Variants in UGT1A4 observed in about 807,000 individuals in gnomAD.
UGT1A4 encodes the protein UDP-glucuronosyltransferase 1A4.
In UGT1A4, 32 loss-of-function variants were observed where a neutral mutation model predicts 41.1. The observed-to-expected ratio is 0.78, with a 90% CI of 0.59 to 1.05. The LOEUF (loss-of-function observed/expected upper bound fraction) is 1.05. Among genes scored for constraint, UGT1A4 ranks in the 50% least tolerant of loss-of-function variants. UGT1A4 has a pLI of 0.00. For missense variants in UGT1A4, 748 were observed against 677.4 expected, an observed-to-expected ratio of 1.10 and a Z score of -1.16; for synonymous variants, 283 against 265.1, an observed-to-expected ratio of 1.07 and a Z score of -0.66.
rs1394358402 is a variant in UGT1A4 at position 233,747,887 on chromosome 2, T to C, written c.868-19147T>C. The C allele has an allele frequency of 1.2e-5, 19 of 1,613,492 alleles. No homozygotes were observed. The South Asian group carries it at 2.0e-4, about 17-fold the overall frequency. ...CTCTGGCCCTGTCCTACCTTTGCCA[T>C]GCTCTTTCTGCTCCTTATGCAAGCC... On this transcript the variant is annotated intron_variant, in intron 1 of 4. Transcript: ENST00000373409.
chr2:233,730,126 G>T, intron 1 of UGT1A4: 1 of 1,542,516 alleles, frequency 6.5e-7, no homozygotes, highest in Non-Finnish European at 8.7e-7. Flanking sequence ...TGTCATAATA[G>T]CCTTCAGTGA....
chr2:233,762,928 A>G (rs1698198044), intron 1 of UGT1A4, among the ~76,000 whole-genome samples: 1 of 152,220 alleles, frequency 6.6e-6, no homozygotes, highest in African/African-American at 2.4e-5. Flanking sequence ...TAGAATCTCT[A>G]AAAACAGTTG....
chr2:233,764,498 G>T (rs1372261378), intron 1 of UGT1A4, among the ~76,000 whole-genome samples: 1 of 152,176 alleles, frequency 6.6e-6, no homozygotes, highest in East Asian at 1.9e-4. Context: ...TGGACCTGTG[G>T]GTTCAATTTT....
At chr2:233,724,493 G>A (rs1411892457) in intron 1 of UGT1A4, among the ~76,000 whole-genome samples, 16 of 76,170 alleles carry the variant, frequency 2.1e-4, no homozygotes, top group South Asian at 6.4e-4. Flanking sequence ...CGGGGCGGCC[G>A]GGCAGAGACG....
chr2:233,765,218 C>T (rs1413075025), intron 1 of UGT1A4, among the ~76,000 whole-genome samples: 1 of 152,118 alleles, frequency 6.6e-6, no homozygotes, highest in African/African-American at 2.4e-5. Flanking sequence ...GTATTCTTTG[C>T]AAACATAAAA....
Position 233,768,283 on chromosome 2 carries a change from G to T in UGT1A4, c.1151G>T (p.Cys384Phe). 6.2e-7 allele frequency: 1 copy of T among 1,614,180 alleles called. No homozygotes were observed. The change falls in exon 4 of 5, where the codon TGC becomes TTC. Residue 384 changes from cysteine (C) to phenylalanine (F), a missense_variant. Transcript: ENST00000373409. ...TCCCATGGTGTTTATGAAAGCATAT[G>T]CAATGGCGTTCCCATGGTGATGATG... Reference protein sequence around the residue: ...AGSHGVYESICNGVPMVMMPL... With the variant: ...AGSHGVYESIFNGVPMVMMPL...
chr2:233,729,653 T>A, intron 1 of UGT1A4: 1 of 1,613,906 alleles, frequency 6.2e-7, no homozygotes, highest in Non-Finnish European at 8.5e-7. Context: ...TTGAGGAACA[T>A]TCCATGTGAT....
In UGT1A4 at chr2:233,722,858, T is replaced by G. The variant is rs1254106570; in HGVS notation, c.867+3171T>G. On this transcript the variant is annotated intron_variant, in intron 1 of 4. Coordinates refer to ENST00000373409, the MANE Select transcript of UGT1A4 (RefSeq NM_007120.3). ...ATAAGAATGTTTCTTTTTTTTTTTT[T>G]TGAAGGAAAAAATAAATTTATTGCT... 1.4e-5 allele frequency among the ~76,000 whole-genome samples: 2 copies of G among 144,154 alleles called. 1 individual carries two copies. The highest frequency in any genetic ancestry group is 1.4e-4 in the Admixed American group (2 of 14,354). 94.6% of individuals were successfully genotyped at this position (144,154 alleles called of 152,430 possible).
At position 233,725,198 on chromosome 2, in the gene UGT1A4, A is replaced by G. The variant is rs1414997731; in HGVS notation, c.867+5511A>G. The stretch of plus-strand genomic sequence containing the variant: ...CGTGGGGAGAGGCAGAGGCAGAGGC[A>G]GAGGCAGAGGCAGAGGCAGAGGAGG... On this transcript the variant is annotated intron_variant, in intron 1 of 4. Coordinates refer to ENST00000373409, the MANE Select transcript of UGT1A4 (RefSeq NM_007120.3). Among the ~76,000 whole-genome samples, 47 of 86,252 alleles carry G rather than the reference A, an allele frequency of 5.4e-4. 1 individual carries two copies. The highest frequency in any genetic ancestry group is 5.3e-3 in the Middle Eastern group (1 of 188). 56.6% of individuals were successfully genotyped at this position (86,252 alleles called of 152,430 possible). A position where few individuals can be genotyped will look rare whatever the true frequency, so the allele number is the denominator to read the frequency against.
chr2:233,769,776 G>A lies in UGT1A4; in HGVS notation c.1307+1337G>A. ...AGGCTAAGGCGGGAGGATTGCTTGAGCCCAGAAGTTGGAGGCTGCTATGAG... is the reference window on the plus strand; with the variant it reads ...AGGCTAAGGCGGGAGGATTGCTTGAACCCAGAAGTTGGAGGCTGCTATGAG... On this transcript the variant is annotated intron_variant, in intron 4 of 4. Transcript: ENST00000373409. This position sits in a 1 kb window ranked among gnomAD's most constrained non-coding sequence, Gnocchi z 4.4. The A allele has an allele frequency of 7.3e-7, 1 of 1,373,770 alleles. No individual in the cohort carries two copies. The allele number at this position is 1,373,770 out of a possible 1,614,324, so 85.1% of individuals were successfully genotyped here. A position where few individuals can be genotyped will look rare whatever the true frequency, so the allele number is the denominator to read the frequency against.
intron 1 of UGT1A4, chr2:233,755,069 G>T: frequency 2.2e-6 from 3 of 1,336,508 alleles, no homozygotes; most frequent in Non-Finnish European, 3.0e-6. Flanking sequence ...CCTCGCCATA[G>T]CGGTCATAGA....
At chr2:233,740,067 CCTCT>C (rs2125827081) in intron 1 of UGT1A4, among the ~76,000 whole-genome samples, 1 of 151,938 alleles carries the variant, frequency 6.6e-6, no homozygotes, top group South Asian at 2.1e-4. Flanking sequence ...ACAAGCTTTT[CCTCT>C]CTGTCTCTCG....
intron 1 of UGT1A4, among the ~76,000 whole-genome samples, chr2:233,766,114 G>A (rs1214540183): frequency 6.6e-6 from 1 of 152,178 alleles, no homozygotes; most frequent in Non-Finnish European, 1.5e-5. Flanking sequence ...CTGGGGGCTT[G>A]CCTTGGTGTA....
At chr2:233,734,123 A>ATAATAAT (rs1384319848) in intron 1 of UGT1A4, among the ~76,000 whole-genome samples, 2 of 151,918 alleles carry the variant, frequency 1.3e-5, no homozygotes, top group Non-Finnish European at 2.9e-5. Flanking sequence ...AATAATAATA[A>ATAATAAT]AAAGAATTTG....
intron 1 of UGT1A4, chr2:233,747,895 C>T: frequency 6.2e-7 from 1 of 1,613,566 alleles, no homozygotes; most frequent in Non-Finnish European, 8.5e-7. Context: ...CATGCTCTTT[C>T]TGCTCCTTAT....
At position 233,747,622 on chromosome 2, in the gene UGT1A4, T is replaced by C. The variant is rs1257068913; in HGVS notation, c.868-19412T>C. On this transcript the variant is annotated intron_variant, in intron 1 of 4. Coordinates refer to ENST00000373409, the MANE Select transcript of UGT1A4 (RefSeq NM_007120.3). ...GTGGAGCTACTGCATAATGAGGCCC[T>C]GATCAGGCACCTGAATGCTACTTCC... The C allele has an allele frequency of 4.4e-6, 7 of 1,577,454 alleles. No individual in the cohort carries two copies. The African/African-American group carries it at 8.2e-5, about 18-fold the overall frequency.
chr2:233,733,606 A>G (rs921303944), intron 1 of UGT1A4, among the ~76,000 whole-genome samples: 5 of 152,192 alleles, frequency 3.3e-5, no homozygotes, highest in African/African-American at 1.2e-4. Context: ...GATGGATTAC[A>G]TTTATTGATT....
intron 1 of UGT1A4, chr2:233,756,417 G>T (rs1392251682): frequency 6.6e-6 from 1 of 151,810 alleles, no homozygotes; most frequent in Non-Finnish European, 1.5e-5. Context: ...TGTATTATTT[G>T]TACTGTTTTT....
In UGT1A4 at chr2:233,768,366, G is replaced by A. The variant is rs36076514; in HGVS notation, c.1234G>A (p.Val412Met). Residue 412 changes from valine (V) to methionine (M), a missense_variant, in exon 4 of 5, where the codon GTG (valine) becomes ATG (methionine). Transcript: ENST00000373409. ...AKRMETKGAG[V>M]TLNVLEMTSE... ...GCGCATGGAGACTAAGGGAGCTGGA[G>A]TGACCCTGAATGTTCTGGAAATGAC... 1 of 1,614,180 alleles carries A rather than the reference G, an allele frequency of 6.2e-7. No individual in the cohort carries two copies. Among genetic ancestry groups the A allele is most frequent in the African/African-American group, 1.3e-5 (1 of 75,048 alleles).
Sources: allele counts gnomAD v4.1 joint callset (sites outside exome capture counted in the v4.1 genomes callset), GRCh38; gene constraint gnomAD v4.1.1; non-coding constraint Gnocchi (gnomAD v3.1); transcripts MANE v1.5; gene names NCBI Gene and HGNC (gene_info 2026-07-23, HGNC 2026-07-21).